Variants in TRDN observed in about 807,000 individuals in gnomAD.
The protein encoded by TRDN is triadin.
TRDN carries 161 observed loss-of-function variants against 149.7 expected under a neutral mutation model. That is an observed-to-expected ratio of 1.08 (90% CI 0.95 to 1.23). TRDN has a LOEUF of 1.23. TRDN is among the 50% of genes most tolerant of loss of function. The pLI is 0.00. For synonymous variants in TRDN, 294 were observed against 250.5 expected (o/e 1.17, Z -1.64); for missense variants, 896 against 823.5 (o/e 1.09, Z -1.08).
At position 123,387,653 on chromosome 6, in the gene TRDN, G is replaced by A. The variant is rs189568366; in HGVS notation, c.1135+869C>T. Among the ~76,000 whole-genome samples, 34 of 152,176 alleles carry A rather than the reference G, an allele frequency of 2.2e-4. 1 individual carries two copies. In the East Asian group the frequency reaches 2.7e-3, roughly 12 times the overall value. ...CTGAAAAGATCTCAGAGACCCACAG[G>A]AGTCCTTGACCACTGATTTTGGAGA... On this transcript the variant is annotated intron_variant, in intron 14 of 40. Coordinates refer to ENST00000334268, the MANE Select transcript of TRDN (RefSeq NM_006073.4).
At chr6:123,545,514 G>A (rs1209913413) in intron 4 of TRDN, among the ~76,000 whole-genome samples, 3 of 151,772 alleles carry the variant, frequency 2.0e-5, no homozygotes, top group Admixed American at 1.3e-4. Flanking sequence ...CATAGCCTCT[G>A]TACCCAAGAT....
At chr6:123,319,001 G>GT (rs1582865788) in intron 23 of TRDN, among the ~76,000 whole-genome samples, 1 of 151,974 alleles carries the variant, frequency 6.6e-6, no homozygotes, top group Non-Finnish European at 1.5e-5. Context: ...TGAAGAGTCG[G>GT]TTTTTGGGTT....
intron 10 of TRDN, among the ~76,000 whole-genome samples, chr6:123,454,083 G>A (rs541731727): frequency 6.6e-6 from 1 of 151,944 alleles, no homozygotes; most frequent in African/African-American, 2.4e-5. Flanking sequence ...TAAGCTATAA[G>A]GACACAAAGA....
chr6:123,581,139 CTAATT>C (rs1221747570), intron 1 of TRDN, among the ~76,000 whole-genome samples: 1 of 152,144 alleles, frequency 6.6e-6, no homozygotes, highest in Non-Finnish European at 1.5e-5. Context: ...TTGCATTTTA[CTAATT>C]TAAAGTGGCC....
intron 8 of TRDN, chr6:123,501,769 T>C (rs1172383924): frequency 1.8e-5 from 14 of 775,338 alleles, no homozygotes; most frequent in Non-Finnish European, 2.2e-5. Flanking sequence ...TATTTGAATG[T>C]CCTTTTAATA....
intron 24 of TRDN, among the ~76,000 whole-genome samples, chr6:123,283,275 T>G (rs1008877873): frequency 6.6e-6 from 1 of 151,864 alleles, no homozygotes; most frequent in Non-Finnish European, 1.5e-5. Context: ...TCAATGATAA[T>G]AGTGAAACAA....
intron 1 of TRDN, among the ~76,000 whole-genome samples, chr6:123,596,689 A>T (rs2114635793): frequency 6.6e-6 from 1 of 152,246 alleles, no homozygotes; most frequent in Non-Finnish European, 1.5e-5. Flanking sequence ...CTGAAGAATT[A>T]TACTAAATCT....
At chr6:123,357,850 T>C (rs11154151) in intron 20 of TRDN, among the ~76,000 whole-genome samples, 128,333 of 152,186 alleles carry the variant, frequency 0.84, 55,026 homozygotes, top group Middle Eastern at 0.93. Flanking sequence ...CTGGCACACA[T>C]ATTAAATAGA....
At chr6:123,603,723 C>T (rs973652443) in intron 1 of TRDN, among the ~76,000 whole-genome samples, 20 of 152,110 alleles carry the variant, frequency 1.3e-4, no homozygotes, top group Admixed American at 6.6e-5. Flanking sequence ...TCCATAGATT[C>T]TGAACCCTTT....
intron 10 of TRDN, among the ~76,000 whole-genome samples, chr6:123,444,632 A>T (rs1315804771): frequency 1.3e-5 from 2 of 151,096 alleles, no homozygotes; most frequent in African/African-American, 4.9e-5. Flanking sequence ...GTTTTTGCCC[A>T]TTCAGTATGA....
At chr6:123,585,546 G>T (rs1783429517) in intron 1 of TRDN, among the ~76,000 whole-genome samples, 1 of 152,200 alleles carries the variant, frequency 6.6e-6, no homozygotes, top group African/African-American at 2.4e-5. Context: ...CGATTGGGCA[G>T]CGTCAGTCTT....
chr6:123,335,312 T>C (rs1222651498), intron 22 of TRDN, among the ~76,000 whole-genome samples: 1 of 151,898 alleles, frequency 6.6e-6, no homozygotes, highest in Non-Finnish European at 1.5e-5. Flanking sequence ...TTTATATATG[T>C]AATTTTCTAG....
intron 10 of TRDN, chr6:123,439,812 A>G (rs1284888789): frequency 6.6e-6 from 1 of 152,228 alleles, no homozygotes; most frequent in African/African-American, 2.4e-5. Context: ...AAAGTCCTGT[A>G]CTAATACATA....
At position 123,585,145 on chromosome 6, in the gene TRDN, G is replaced by T. The variant is rs148943960; in HGVS notation, c.23-14013C>A. Among the ~76,000 whole-genome samples the T allele has an allele frequency of 1.1e-3, 150 of 136,458 alleles. 1 individual carries two copies. Among genetic ancestry groups the T allele is most frequent in the African/African-American group, 2.6e-3 (99 of 38,494 alleles). The allele number at this position is 136,458 out of a possible 152,430, so 89.5% of individuals were successfully genotyped here. On this transcript the variant is annotated intron_variant, in intron 1 of 40. Transcript: ENST00000334268. ...GTATCTTATACTTGTGGGTTAAGGT[G>T]GGGGAATACAAGAGGAGCACGCAAA...
chr6:123,304,520 G>A (rs182260102), intron 24 of TRDN, among the ~76,000 whole-genome samples: 16 of 152,042 alleles, frequency 1.1e-4, no homozygotes, highest in Admixed American at 9.2e-4. Flanking sequence ...CCAAAGTGCT[G>A]GGATTAAAGG....
chr6:123,589,518 A>G (rs992747628), intron 1 of TRDN, among the ~76,000 whole-genome samples: 1 of 152,168 alleles, frequency 6.6e-6, no homozygotes, highest in Non-Finnish European at 1.5e-5. Flanking sequence ...CTTCAGAATC[A>G]TGAGCTTTTC....
At chr6:123,281,275 TG>T (rs1476231317) in intron 24 of TRDN, among the ~76,000 whole-genome samples, 1 of 152,094 alleles carries the variant, frequency 6.6e-6, no homozygotes. Context: ...GAGAACCTTT[TG>T]TTAATGTAAA....
At chr6:123,285,749 C>A (rs1490635606) in intron 24 of TRDN, among the ~76,000 whole-genome samples, 1 of 152,110 alleles carries the variant, frequency 6.6e-6, no homozygotes, top group Non-Finnish European at 1.5e-5. Context: ...AGTAAACAGA[C>A]AACCTACAGA....
intron 24 of TRDN, among the ~76,000 whole-genome samples, chr6:123,292,104 C>T (rs1321978201): frequency 2.0e-5 from 3 of 152,128 alleles, no homozygotes; most frequent in Non-Finnish European, 2.9e-5. Context: ...TCCCTTCGGC[C>T]CATGGATCTT....
Sources: allele counts gnomAD v4.1 joint callset (sites outside exome capture counted in the v4.1 genomes callset), GRCh38; gene constraint gnomAD v4.1.1; transcripts MANE v1.5; gene names NCBI Gene and HGNC (gene_info 2026-07-23, HGNC 2026-07-21).